RAB40B: variants seen among roughly 807,000 people sequenced by gnomAD.
RAB40B encodes the protein ras-related protein Rab-40B.
RAB40B carries 21 observed loss-of-function variants against 24.0 expected under a neutral mutation model. That is an observed-to-expected ratio of 0.88 (90% confidence interval 0.62 to 1.26). The LOEUF is 1.26. RAB40B is among the 50% of genes most tolerant of loss of function. The probability of loss-of-function intolerance (pLI) is 0.00; values close to 1 mark genes in which losing one functional copy is unlikely to be tolerated. For missense variants in RAB40B, 348 were observed against 390.5 expected, an observed-to-expected ratio of 0.89 and a Z score of 0.92; for synonymous variants, 167 against 169.8, an observed-to-expected ratio of 0.98 and a Z score of 0.13.
At chr17:82,690,070 G>A (rs1415377174) in intron 1 of RAB40B, among the ~76,000 whole-genome samples, 1 of 152,096 alleles carries the variant, frequency 6.6e-6, no homozygotes, top group Non-Finnish European at 1.5e-5. Context: ...AAACTTGAAA[G>A]TGATGACTTT....
chr17:82,664,270 G>A (rs1215385917), intron 2 of RAB40B, among the ~76,000 whole-genome samples: 1 of 144,248 alleles, frequency 6.9e-6, no homozygotes, highest in Non-Finnish European at 1.5e-5. Flanking sequence ...CGATGGTGGT[G>A]GGGGGAGGGT....
chr17:82,667,121 T>G lies in RAB40B; in HGVS notation c.143-2565A>C, dbSNP rs1338715826. ...AGCCAGTGAGTGCCCAGAAACAGGCTCCTCTAAAAATGCGAGGCTGCGGAG... is the reference window on the plus strand; with the variant it reads ...AGCCAGTGAGTGCCCAGAAACAGGCGCCTCTAAAAATGCGAGGCTGCGGAG... On this transcript the variant is annotated intron_variant, in intron 1 of 5. Coordinates refer to ENST00000571995, the MANE Select transcript of RAB40B (RefSeq NM_006822.3). This position sits in a 1 kb window ranked among gnomAD's most constrained non-coding sequence, Gnocchi z 4.3. Among the ~76,000 whole-genome samples the G allele has an allele frequency of 6.6e-6, 1 of 152,186 alleles. No homozygotes were observed. Among genetic ancestry groups the G allele is most frequent in the African/African-American group, 2.4e-5 (1 of 41,452 alleles).
At chr17:82,682,919 CAGATCATGAGGTCAGG>C (rs1206052658) in intron 1 of RAB40B, among the ~76,000 whole-genome samples, 2 of 152,142 alleles carry the variant, frequency 1.3e-5, no homozygotes, top group Non-Finnish European at 2.9e-5. Context: ...CCGAGGCAGG[CAGATCATGAGGTCAGG>C]AGATCGAGAC....
intron 1 of RAB40B, among the ~76,000 whole-genome samples, chr17:82,689,015 T>C (rs1017664049): frequency 1.3e-5 from 2 of 152,272 alleles, no homozygotes; most frequent in African/African-American, 4.8e-5. Flanking sequence ...ATGCTGTTGT[T>C]CTTTTCAGGT....
chr17:82,673,198 T>C (rs1451777274), intron 1 of RAB40B, among the ~76,000 whole-genome samples: 2 of 150,520 alleles, frequency 1.3e-5, no homozygotes, highest in African/African-American at 5.0e-5. Flanking sequence ...AGTGAGACTC[T>C]TGTCTCAAAA....
intron 1 of RAB40B, among the ~76,000 whole-genome samples, chr17:82,671,638 AAC>A (rs1222696899): frequency 2.7e-5 from 2 of 74,822 alleles, no homozygotes; most frequent in African/African-American, 9.3e-5. Flanking sequence ...CCGTAACTCT[AAC>A]ACACACACTC....
chr17:82,657,911 G>T lies in RAB40B; in HGVS notation c.789C>A (p.Pro263=), dbSNP rs147219869. ...TGGTGCAGTTTTTGGGGGGGCTCTG[G>T]GGGGGGCGGACGAGCTTCACTTTGC... ...SLRKVKLVRP[P]QSPPKNCTRN... is the part of the protein sequence containing the mutation. The change falls in exon 6 of 6, where the codon CCC becomes CCA. Residue 263 remains proline, a synonymous_variant. Transcript: ENST00000571995. 6.8e-5 allele frequency: 109 copies of T among 1,612,908 alleles called. No homozygotes were observed. The highest frequency in any genetic ancestry group is 1.7e-4 in the Middle Eastern group (1 of 6,036).
chr17:82,659,775 A>C, intron 3 of RAB40B, 118 bp from the exon 4 acceptor site: 1 of 764,340 alleles, frequency 1.3e-6, no homozygotes, highest in Non-Finnish European at 2.2e-6. Context: ...AAAGTACATA[A>C]TTTTGATTTA....
At chr17:82,687,786 C>T (rs531949782) in intron 1 of RAB40B, among the ~76,000 whole-genome samples, 74 of 152,298 alleles carry the variant, frequency 4.9e-4, no homozygotes, top group Non-Finnish European at 7.5e-4. Flanking sequence ...GACTTTACGC[C>T]CCCAGCCAGG....
intron 1 of RAB40B, among the ~76,000 whole-genome samples, chr17:82,680,617 T>C (rs1283348016): frequency 6.6e-6 from 1 of 152,226 alleles, no homozygotes; most frequent in Non-Finnish European, 1.5e-5. Context: ...TTCAGTGTAG[T>C]TCATTTCACT....
intron 1 of RAB40B, among the ~76,000 whole-genome samples, chr17:82,694,227 T>C (rs976174307): frequency 6.6e-6 from 1 of 150,486 alleles, no homozygotes; most frequent in African/African-American, 2.5e-5. Context: ...AGGAAAGGCA[T>C]AAGATAATCA....
intron 1 of RAB40B, among the ~76,000 whole-genome samples, chr17:82,668,792 C>A (rs191833188): frequency 1.3e-5 from 2 of 152,222 alleles, no homozygotes; most frequent in African/African-American, 4.8e-5. Context: ...GGCAGCGGGC[C>A]GCGGCACGCA....
intron 4 of RAB40B, chr17:82,659,326 C>G (rs549376679): frequency 2.0e-6 from 1 of 504,580 alleles, no homozygotes; most frequent in South Asian, 2.2e-5. Context: ...TGACCCCACG[C>G]ATAGCCGAGG....
rs150141020 is a variant in RAB40B, at chr17:82,696,356, T to G, written c.142+2099A>C. The G allele has an allele frequency of 2.8e-3, 423 of 152,800 alleles. 3 individuals carry two copies. The highest frequency in any genetic ancestry group is 7.7e-3 in the East Asian group (40 of 5,190). 9.5% of individuals were successfully genotyped at this position (152,800 alleles called of 1,614,324 possible). A position where few individuals can be genotyped will look rare whatever the true frequency, so the allele number is the denominator to read the frequency against. Reference sequence around the variant, plus strand: ...GGAAGTTTCACAAACATTCTGTGCGTGACCCTTCTCACACACGCCCCACGG... The same window carrying G: ...GGAAGTTTCACAAACATTCTGTGCGGGACCCTTCTCACACACGCCCCACGG... On this transcript the variant is annotated intron_variant, in intron 1 of 5. Transcript: ENST00000571995.
intron 1 of RAB40B, among the ~76,000 whole-genome samples, chr17:82,688,640 T>C (rs535096725): frequency 1.4e-3 from 212 of 148,152 alleles, no homozygotes; most frequent in Non-Finnish European, 1.0e-3. Flanking sequence ...AATAAACAAA[T>C]AGTTTTGTTT....
rs990043713 is a variant in RAB40B at position 82,692,593 on chromosome 17, G to C, written c.142+5862C>G. 6.6e-6 allele frequency among the ~76,000 whole-genome samples: 1 copy of C among 152,152 alleles called. No homozygotes were observed. The highest frequency in any genetic ancestry group is 2.1e-4 in the South Asian group (1 of 4,828). On this transcript the variant is annotated intron_variant, in intron 1 of 5. Transcript: ENST00000571995. The surrounding 1 kb of genome is among the most constrained non-coding windows in gnomAD (Gnocchi z 4.0). ...CAACGGTGGCCGTGCGATGCGGGGT[G>C]GGGGTGGGGGGCATCCGACTGAAAA...
chr17:82,657,668 A>G lies in RAB40B; in HGVS notation c.*195T>C. 2 of 730,090 alleles carry G rather than the reference A, an allele frequency of 2.7e-6. No homozygotes were observed. Among genetic ancestry groups the G allele is most frequent in the Middle Eastern group, 2.3e-4 (1 of 4,360 alleles). The allele number at this position is 730,090 out of a possible 1,614,324, so 45.2% of individuals were successfully genotyped here. A position where few individuals can be genotyped will look rare whatever the true frequency, so the allele number is the denominator to read the frequency against. ...CCTTTACAAACACACATCGAAAACA[A>G]GAGCTTCATGCACATCCACGTAGAA... On this transcript the variant is annotated 3_prime_UTR_variant, in exon 6 of 6. Transcript: ENST00000571995.
chr17:82,688,354 C>T (rs1298700869), intron 1 of RAB40B, among the ~76,000 whole-genome samples: 1 of 151,934 alleles, frequency 6.6e-6, no homozygotes, highest in Non-Finnish European at 1.5e-5. Flanking sequence ...GTAGCTCACG[C>T]CTGTAATCCC....
intron 1 of RAB40B, among the ~76,000 whole-genome samples, chr17:82,677,123 A>G (rs2046402734): frequency 1.4e-5 from 2 of 140,016 alleles, no homozygotes; most frequent in Admixed American, 1.5e-4. Flanking sequence ...TAATTTTTGT[A>G]TTTTTAGTAG....
Sources: allele counts gnomAD v4.1 joint callset (sites outside exome capture counted in the v4.1 genomes callset), GRCh38; gene constraint gnomAD v4.1.1; non-coding constraint Gnocchi (gnomAD v3.1); transcripts MANE v1.5; gene names NCBI Gene and HGNC (gene_info 2026-07-23, HGNC 2026-07-21).